The following KCNB2 variants were observed in gnomAD, a reference collection of about 807,000 sequenced individuals.
KCNB2 encodes potassium voltage-gated channel subfamily B member 2.
KCNB2 carries 15 observed loss-of-function variants against 61.5 expected under a neutral mutation model. That is an observed-to-expected ratio of 0.24 (90% CI 0.16 to 0.38). The LOEUF is 0.38. KCNB2 is among the 10% of genes least tolerant of loss of function. The probability of loss-of-function intolerance (pLI) is 1.00; values close to 1 mark genes in which losing one functional copy is unlikely to be tolerated. For synonymous variants in KCNB2, 457 were observed against 446.0 expected (o/e 1.02, Z -0.31); for missense variants, 828 against 1,125.2 (o/e 0.74, Z 3.78).
intron 1 of KCNB2, among the ~76,000 whole-genome samples, chr8:72,561,700 T>C (rs1305458325): frequency 7.7e-4 from 15 of 19,380 alleles, no homozygotes; most frequent in Non-Finnish European, 1.1e-3. Context: ...TTTATATATA[T>C]ATATATATAT....
chr8:72,642,720 C>G (rs1300870159), intron 2 of KCNB2, among the ~76,000 whole-genome samples: 2 of 152,124 alleles, frequency 1.3e-5, no homozygotes, highest in African/African-American at 4.8e-5. Flanking sequence ...AACTGGGTAT[C>G]AAAATAGTAA....
chr8:72,699,027 T>G (rs1435815961), intron 2 of KCNB2, among the ~76,000 whole-genome samples: 1 of 152,116 alleles, frequency 6.6e-6, no homozygotes, highest in Non-Finnish European at 1.5e-5. Flanking sequence ...ACTAATGAGC[T>G]TCTGCACAGC....
intron 2 of KCNB2, among the ~76,000 whole-genome samples, chr8:72,629,699 G>A (rs1382223223): frequency 6.6e-6 from 1 of 152,188 alleles, no homozygotes; most frequent in Non-Finnish European, 1.5e-5. Flanking sequence ...GTCACTAGAA[G>A]GGCAATGGGT....
At chr8:72,709,074 A>C (rs1228036628) in intron 2 of KCNB2, among the ~76,000 whole-genome samples, 1 of 152,212 alleles carries the variant, frequency 6.6e-6, no homozygotes, top group East Asian at 1.9e-4. Context: ...CCCTTTGATA[A>C]TACTGCTCTA....
At chr8:72,672,581 A>C (rs1806582983) in intron 2 of KCNB2, among the ~76,000 whole-genome samples, 1 of 152,158 alleles carries the variant, frequency 6.6e-6, no homozygotes, top group Admixed American at 6.5e-5. Flanking sequence ...CTGATATTTA[A>C]TATAATCTAT....
Position 72,682,844 on chromosome 8 carries a change from CA to C in KCNB2, c.579+114533del, listed in dbSNP as rs373691106. On this transcript the variant is annotated intron_variant, in intron 2 of 2. Transcript: ENST00000523207. Reference sequence around the variant, plus strand: ...CTAATCTCAAACTCCTGAGCTCAAGCAACCCACCCACCTTGGCCTCCCAAAG... The same window carrying C: ...CTAATCTCAAACTCCTGAGCTCAAGCACCCACCCACCTTGGCCTCCCAAAG... Among the ~76,000 whole-genome samples, 281 of 152,242 alleles carry C rather than the reference CA, an allele frequency of 1.8e-3. 2 individuals are homozygous for C. The highest frequency in any genetic ancestry group is 6.3e-3 in the African/African-American group (262 of 41,548).
chr8:72,811,649 T>C (rs1037674291), intron 2 of KCNB2, among the ~76,000 whole-genome samples: 1 of 152,176 alleles, frequency 6.6e-6, no homozygotes, highest in Non-Finnish European at 1.5e-5. Flanking sequence ...TTCCTTTTTT[T>C]AGTTTGGAAA....
chr8:72,726,688 C>T (rs1209682797), intron 2 of KCNB2, among the ~76,000 whole-genome samples: 23 of 152,214 alleles, frequency 1.5e-4, no homozygotes, highest in Admixed American at 9.2e-4. Context: ...ATTTGTCTTT[C>T]GTTTTTCTTT....
At chr8:72,830,557 A>G (rs192465132) in intron 2 of KCNB2, among the ~76,000 whole-genome samples, 72 of 152,300 alleles carry the variant, frequency 4.7e-4, no homozygotes, top group African/African-American at 1.7e-3. Context: ...AACTTGTTTC[A>G]TGTTTCATTT....
In KCNB2 at chr8:72,621,721, C is replaced by T. The variant is rs188924682; in HGVS notation, c.579+53408C>T. Among the ~76,000 whole-genome samples the T allele has an allele frequency of 5.9e-5, 9 of 152,076 alleles. 1 individual carries two copies. Among genetic ancestry groups the T allele is most frequent in the Admixed American group, 2.0e-4 (3 of 15,274 alleles). ...TTTTCTTTTTACAGAAATAATCTGG[C>T]GTTAACACCACAGTTTTAATAAAAT... On this transcript the variant is annotated intron_variant, in intron 2 of 2. Transcript: ENST00000523207.
chr8:72,619,636 G>A (rs367792465), intron 2 of KCNB2, among the ~76,000 whole-genome samples: 48 of 151,678 alleles, frequency 3.2e-4, no homozygotes, highest in African/African-American at 1.1e-3. Context: ...AGGAAGAAGT[G>A]CCCTGCAAGC....
At chr8:72,700,767 A>G (rs1807108009) in intron 2 of KCNB2, among the ~76,000 whole-genome samples, 1 of 152,172 alleles carries the variant, frequency 6.6e-6, no homozygotes, top group African/African-American at 2.4e-5. Flanking sequence ...TCATTCTACC[A>G]AGAAGACACA....
intron 2 of KCNB2, among the ~76,000 whole-genome samples, chr8:72,768,461 T>C (rs776054153): frequency 2.0e-5 from 3 of 151,894 alleles, no homozygotes; most frequent in Non-Finnish European, 4.4e-5. Flanking sequence ...AGGCGTGAGC[T>C]ACCGGGCCCA....
intron 2 of KCNB2, among the ~76,000 whole-genome samples, chr8:72,678,356 C>T (rs1465967931): frequency 6.6e-6 from 1 of 152,132 alleles, no homozygotes. Context: ...TACTTCCATC[C>T]AAAGTCTTTA....
chr8:72,931,928 G>A (rs534158550), intron 2 of KCNB2, among the ~76,000 whole-genome samples: 15 of 152,266 alleles, frequency 9.9e-5, no homozygotes, highest in East Asian at 3.9e-4. Context: ...CACAAGAATC[G>A]CTTATGTCTG....
At chr8:72,814,649 T>A (rs1809361853) in intron 2 of KCNB2, among the ~76,000 whole-genome samples, 1 of 152,210 alleles carries the variant, frequency 6.6e-6, no homozygotes, top group Non-Finnish European at 1.5e-5. Context: ...AGGCAAAGAC[T>A]TCATTATTCA....
At chr8:72,607,900 GGTTA>G (rs1426267593) in intron 2 of KCNB2, among the ~76,000 whole-genome samples, 1 of 151,932 alleles carries the variant, frequency 6.6e-6, no homozygotes, top group African/African-American at 2.4e-5. Flanking sequence ...TATTTAACTG[GGTTA>G]GTACATAAAA....
At chr8:72,619,542 T>C (rs1805681608) in intron 2 of KCNB2, among the ~76,000 whole-genome samples, 1 of 151,162 alleles carries the variant, frequency 6.6e-6, no homozygotes, top group Admixed American at 6.6e-5. Context: ...TTTTTTTTTT[T>C]TTTAATCACA....
At chr8:72,838,177 C>G (rs950004761) in intron 2 of KCNB2, among the ~76,000 whole-genome samples, 1 of 152,124 alleles carries the variant, frequency 6.6e-6, no homozygotes, top group African/African-American at 2.4e-5. Flanking sequence ...AGGTTTGTTA[C>G]ATAGCTGTAT....
Sources: gnomAD v4.1 joint callset for allele counts (sites outside exome capture counted in the v4.1 genomes callset) on GRCh38, gnomAD v4.1.1 for gene constraint, MANE v1.5 for transcripts, NCBI Gene and HGNC (gene_info 2026-07-23, HGNC 2026-07-21) for gene names.